The following MGAT5 variants were observed in gnomAD, a reference collection of about 807,000 sequenced individuals.
MGAT5 encodes the protein alpha-1,6-mannosylglycoprotein 6-beta-N-acetylglucosaminyltransferase A.
MGAT5 carries 30 observed loss-of-function variants against 94.3 expected under a neutral mutation model. The ratio of observed to expected loss-of-function variants is 0.32; its 90% CI spans 0.24 to 0.43. MGAT5 has a LOEUF of 0.43. MGAT5 is among the 20% of genes least tolerant of loss of function. The pLI is 1.00. For synonymous variants in MGAT5, 310 were observed against 322.9 expected, an observed-to-expected ratio of 0.96 and a Z score of 0.43; for missense variants, 691 against 905.5, an observed-to-expected ratio of 0.76 and a Z score of 3.04.
intron 10 of MGAT5, among the ~76,000 whole-genome samples, chr2:134,380,418 AG>A (rs552887996): frequency 2.0e-5 from 3 of 152,314 alleles, no homozygotes; most frequent in Middle Eastern, 3.4e-3. Context: ...TGCTGTTGTT[AG>A]AATGCAAGTG....
Position 134,254,297 on chromosome 2 carries a change from A to C in MGAT5, c.-107A>C. ...GTGAGGAAAGGCAACCAGCTGACACAGGAGCCAGAGTGAGACCAGCAGACT... is the reference window on the plus strand; with the variant it reads ...GTGAGGAAAGGCAACCAGCTGACACCGGAGCCAGAGTGAGACCAGCAGACT... On this transcript the variant is annotated 5_prime_UTR_variant, in exon 1 of 16. Coordinates refer to ENST00000281923, the MANE Select transcript of MGAT5 (RefSeq NM_002410.5). 1 of 1,412,398 alleles carries C rather than the reference A, an allele frequency of 7.1e-7. No homozygotes were observed. Among genetic ancestry groups the C allele is most frequent in the Middle Eastern group, 2.5e-4 (1 of 3,980 alleles). The allele number at this position is 1,412,398 out of a possible 1,614,324, so 87.5% of individuals were successfully genotyped here. A position where few individuals can be genotyped will look rare whatever the true frequency, so the allele number is the denominator to read the frequency against.
At chr2:134,413,104 A>T in intron 12 of MGAT5, 89 bp downstream of exon 12, 1 of 1,405,200 alleles carries the variant, frequency 7.1e-7, no homozygotes, top group Non-Finnish European at 9.9e-7. Context: ...TTCATCTAAC[A>T]TGATTGGGTG....
intron 15 of MGAT5, among the ~76,000 whole-genome samples, 177 bp downstream of exon 15, chr2:134,442,092 C>T (rs562716357): frequency 1.3e-5 from 2 of 152,096 alleles, no homozygotes; most frequent in South Asian, 2.1e-4. Flanking sequence ...GTGTTGTTAC[C>T]GTTCCTTTTG....
At chr2:134,194,847 C>A (rs548010372) in intron 1 of MGAT5, among the ~76,000 whole-genome samples, 1 of 152,174 alleles carries the variant, frequency 6.6e-6, no homozygotes, top group African/African-American at 2.4e-5. Context: ...TGCGCCCCTT[C>A]TTGATATTTG....
At position 134,352,484 on chromosome 2, in the gene MGAT5, C is replaced by T. The variant is rs181979565; in HGVS notation, c.1246+2546C>T. The stretch of plus-strand genomic sequence containing the variant: ...TACTCCCTTTTATATATGTCAGATA[C>T]AAAGGAAGAGTGTGTGTGGTCATGT... On this transcript the variant is annotated intron_variant, in intron 9 of 15. Transcript: ENST00000281923. 4.1e-4 allele frequency among the ~76,000 whole-genome samples: 63 copies of T among 152,178 alleles called. 1 individual carries two copies. The South Asian group carries it at 8.7e-3, about 21-fold the overall frequency.
At chr2:134,336,649 G>A (rs1349072189) in intron 5 of MGAT5, among the ~76,000 whole-genome samples, 1 of 152,122 alleles carries the variant, frequency 6.6e-6, no homozygotes, top group African/African-American at 2.4e-5. Context: ...ATTTTAGTCT[G>A]CAAGGTTCAG....
intron 1 of MGAT5, among the ~76,000 whole-genome samples, chr2:134,138,586 A>T (rs903483371): frequency 6.6e-6 from 1 of 152,208 alleles, no homozygotes; most frequent in Non-Finnish European, 1.5e-5. Context: ...GCAGATGAAT[A>T]CTTTCTCTCT....
At chr2:134,303,615 T>G (rs1273752029) in intron 2 of MGAT5, among the ~76,000 whole-genome samples, 2 of 152,168 alleles carry the variant, frequency 1.3e-5, no homozygotes, top group East Asian at 3.9e-4. Flanking sequence ...TTTTTGGGGT[T>G]TAAACTGTGG....
At chr2:134,253,118 A>C (rs1682718358), upstream of MGAT5, 1 of 152,238 alleles carries the variant, frequency 6.6e-6, no homozygotes, top group Non-Finnish European at 1.5e-5. Context: ...AGTAAGAGGC[A>C]GACCAACAGT....
chr2:134,387,319 TATATATATA>T (rs1471185884), intron 10 of MGAT5, among the ~76,000 whole-genome samples: 16 of 50,354 alleles, frequency 3.2e-4, no homozygotes, highest in African/African-American at 1.2e-3. Context: ...TATATATATA[TATATATATA>T]TATATTTTTT....
intron 1 of MGAT5, among the ~76,000 whole-genome samples, chr2:134,139,146 C>T (rs909270284): frequency 5.3e-5 from 8 of 152,186 alleles, no homozygotes; most frequent in African/African-American, 1.9e-4. Flanking sequence ...CATGTAAAAA[C>T]ATGGAAAGGG....
chr2:134,237,085 GAGGT>G lies in MGAT5; in HGVS notation c.-142-17169_-142-17166del, dbSNP rs1268103205. Reference sequence around the variant, plus strand: ...TCCTCAGGATAGCCTTTGCAAGTTTGAGGTAGGTAGGATAGGTAGGTTATGTAGA... The same window carrying G: ...TCCTCAGGATAGCCTTTGCAAGTTTGAGGTAGGATAGGTAGGTTATGTAGA... On this transcript the variant is annotated intron_variant, in intron 1 of 16. Coordinates refer to the MGAT5 transcript ENST00000409645. 2.0e-5 allele frequency among the ~76,000 whole-genome samples: 3 copies of G among 151,516 alleles called. No homozygotes were observed. The East Asian group carries it at 6.0e-4, about 30-fold the overall frequency.
intron 10 of MGAT5, among the ~76,000 whole-genome samples, chr2:134,369,320 A>G (rs1335817533): frequency 6.6e-6 from 1 of 152,176 alleles, no homozygotes; most frequent in African/African-American, 2.4e-5. Flanking sequence ...TGCAAATTCT[A>G]CAGACCACAT....
intron 1 of MGAT5, among the ~76,000 whole-genome samples, chr2:134,217,848 A>T (rs1295934809): frequency 6.6e-6 from 1 of 152,218 alleles, no homozygotes; most frequent in East Asian, 1.9e-4. Flanking sequence ...GCTAGATGTG[A>T]GTACAGTACT....
At chr2:134,330,402 T>A (rs1387351042) in intron 4 of MGAT5, among the ~76,000 whole-genome samples, 1 of 152,158 alleles carries the variant, frequency 6.6e-6, no homozygotes, top group Non-Finnish European at 1.5e-5. Context: ...TAATGTATCC[T>A]GGTCAGAGAG....
intron 1 of MGAT5, among the ~76,000 whole-genome samples, chr2:134,215,176 G>T (rs1680416367): frequency 6.6e-6 from 1 of 152,136 alleles, no homozygotes; most frequent in Non-Finnish European, 1.5e-5. Flanking sequence ...TACCGTAGAT[G>T]GGCATTTAGA....
chr2:134,286,386 A>G (rs1685002768), intron 2 of MGAT5, among the ~76,000 whole-genome samples: 1 of 151,392 alleles, frequency 6.6e-6, no homozygotes, highest in Non-Finnish European at 1.5e-5. Flanking sequence ...ATCCTGTAAT[A>G]GTTTTCTGAG....
chr2:134,309,516 A>G (rs1321199087), intron 2 of MGAT5, among the ~76,000 whole-genome samples: 1 of 152,144 alleles, frequency 6.6e-6, no homozygotes, highest in Non-Finnish European at 1.5e-5. Flanking sequence ...GTTGATGTGA[A>G]GTCGTACCTC....
chr2:134,140,904 A>G (rs1036073807), intron 1 of MGAT5, among the ~76,000 whole-genome samples: 2 of 152,252 alleles, frequency 1.3e-5, no homozygotes, highest in African/African-American at 4.8e-5. Context: ...TAGGGAACCT[A>G]GCTCCAGAAC....
Sources: allele counts gnomAD v4.1 joint callset (sites outside exome capture counted in the v4.1 genomes callset), GRCh38; gene constraint gnomAD v4.1.1; transcripts MANE v1.5; gene names NCBI Gene and HGNC (gene_info 2026-07-23, HGNC 2026-07-21).